Variants in CSMD1 observed in about 807,000 individuals in gnomAD.
CSMD1 encodes the protein CUB and sushi domain-containing protein 1.
A neutral mutation model predicts 417.5 loss-of-function variants in CSMD1; 213 were observed. The observed-to-expected ratio is 0.51, with a 90% CI of 0.46 to 0.57. The LOEUF is 0.57. Among genes scored for constraint, CSMD1 ranks in the 20% least tolerant of loss-of-function variants. The probability of loss-of-function intolerance (pLI) is 0.00; values close to 1 mark genes in which losing one functional copy is unlikely to be tolerated. For missense variants in CSMD1, 6,923 were observed against 4,529.7 expected, an observed-to-expected ratio of 1.53 and a Z score of -15.17; for synonymous variants, 2,862 against 1,736.8, an observed-to-expected ratio of 1.65 and a Z score of -16.11.
At chr8:3,262,184 A>AAAATATATAC (rs1420684024) in intron 26 of CSMD1, among the ~76,000 whole-genome samples, 1 of 63,172 alleles carries the variant, frequency 1.6e-5, no homozygotes, top group African/African-American at 7.1e-5. Flanking sequence ...TGCTCATATG[A>AAAATATATAC]ATATATATAT....
At chr8:4,426,859 G>A (rs1354247566) in intron 2 of CSMD1, among the ~76,000 whole-genome samples, 1 of 151,296 alleles carries the variant, frequency 6.6e-6, no homozygotes, top group Non-Finnish European at 1.5e-5. Context: ...TATTATAGCA[G>A]AATTCAAAAG....
chr8:4,684,874 T>G (rs768505061), intron 1 of CSMD1, among the ~76,000 whole-genome samples: 1 of 152,216 alleles, frequency 6.6e-6, no homozygotes, highest in Non-Finnish European at 1.5e-5. Flanking sequence ...TCTTTCTTCT[T>G]CTACTAATCA....
intron 11 of CSMD1, among the ~76,000 whole-genome samples, chr8:3,485,538 C>CACACACACACACAGAG (rs376214281): frequency 7.3e-4 from 98 of 135,018 alleles, no homozygotes; most frequent in African/African-American, 9.4e-4. Context: ...CACACACACA[C>CACACACACACACAGAG]AGAGAGAGAG....
intron 1 of CSMD1, among the ~76,000 whole-genome samples, chr8:4,740,811 C>A (rs1311404038): frequency 6.6e-6 from 1 of 152,132 alleles, no homozygotes; most frequent in African/African-American, 2.4e-5. Context: ...TATAGGATAT[C>A]CTACTGAAGT....
chr8:4,647,235 AT>A (rs34641878), intron 1 of CSMD1, among the ~76,000 whole-genome samples: 32,739 of 139,796 alleles, frequency 0.23, 3,837 homozygotes, highest in South Asian at 0.34. Flanking sequence ...TGCTGTTTCT[AT>A]TTTTTTTTTT....
chr8:4,152,540 A>AAG (rs1314877489), intron 3 of CSMD1, among the ~76,000 whole-genome samples: 2 of 148,212 alleles, frequency 1.3e-5, no homozygotes, highest in Admixed American at 6.7e-5. Context: ...AAAAAAAAAA[A>AAG]TTAGCTAGTC....
At chr8:3,276,087 T>C (rs1055245189) in intron 26 of CSMD1, among the ~76,000 whole-genome samples, 3 of 152,190 alleles carry the variant, frequency 2.0e-5, no homozygotes, top group Admixed American at 2.0e-4. Context: ...TTGATGCTGT[T>C]GATGTACAGA....
At chr8:3,311,713 G>C (rs1275524247) in intron 23 of CSMD1, among the ~76,000 whole-genome samples, 4 of 152,136 alleles carry the variant, frequency 2.6e-5, no homozygotes, top group African/African-American at 9.7e-5. Flanking sequence ...AATTGTAAGT[G>C]AACCATCATA....
At chr8:4,186,509 AC>A (rs1353375562) in intron 3 of CSMD1, among the ~76,000 whole-genome samples, 1 of 152,196 alleles carries the variant, frequency 6.6e-6, no homozygotes, top group Non-Finnish European at 1.5e-5. Flanking sequence ...GAATTTAATT[AC>A]TTATTTTGAA....
chr8:4,487,969 T>C (rs534732846), intron 2 of CSMD1, among the ~76,000 whole-genome samples: 48 of 152,296 alleles, frequency 3.2e-4, no homozygotes, highest in Non-Finnish European at 6.3e-4. Flanking sequence ...CCGAAATGTA[T>C]ATGTGAAAAT....
At chr8:4,182,464 T>C (rs185384995) in intron 3 of CSMD1, among the ~76,000 whole-genome samples, 19 of 152,260 alleles carry the variant, frequency 1.2e-4, no homozygotes, top group South Asian at 6.2e-4. Context: ...GATTAAAACA[T>C]TGTTTTAATA....
chr8:4,280,479 T>C (rs1244033814), intron 3 of CSMD1, among the ~76,000 whole-genome samples: 2 of 152,210 alleles, frequency 1.3e-5, no homozygotes, highest in East Asian at 3.8e-4. Context: ...TGTTTCAGTA[T>C]ATCCTCCACA....
At chr8:4,306,830 A>C (rs1433140337) in intron 3 of CSMD1, among the ~76,000 whole-genome samples, 2 of 64,530 alleles carry the variant, frequency 3.1e-5, no homozygotes, top group Non-Finnish European at 6.2e-5. Context: ...TAACATCTCC[A>C]GATTTAAAAA....
chr8:4,834,018 A>G (rs1800309546), intron 1 of CSMD1, among the ~76,000 whole-genome samples: 1 of 152,276 alleles, frequency 6.6e-6, no homozygotes, highest in African/African-American at 2.4e-5. Context: ...TAGACCCGGG[A>G]TGCAATATCG....
At chr8:3,386,266 G>A (rs917176157) in intron 18 of CSMD1, among the ~76,000 whole-genome samples, 1 of 152,222 alleles carries the variant, frequency 6.6e-6, no homozygotes, top group Non-Finnish European at 1.5e-5. Flanking sequence ...CCCCTGCGTT[G>A]CTTGGCCAGT....
intron 5 of CSMD1, among the ~76,000 whole-genome samples, chr8:3,891,300 T>C (rs1806953979): frequency 6.6e-6 from 1 of 152,136 alleles, no homozygotes; most frequent in South Asian, 2.1e-4. Flanking sequence ...TCTACCTGCC[T>C]CAACCTCCCA....
At chr8:4,596,605 A>G (rs1295288704) in intron 2 of CSMD1, among the ~76,000 whole-genome samples, 1 of 152,226 alleles carries the variant, frequency 6.6e-6, no homozygotes, top group Non-Finnish European at 1.5e-5. Context: ...TTCTTCCTAA[A>G]TCAATGCAAC....
At chr8:4,309,483 A>C (rs1222282712) in intron 3 of CSMD1, among the ~76,000 whole-genome samples, 1 of 152,054 alleles carries the variant, frequency 6.6e-6, no homozygotes, top group African/African-American at 2.4e-5. Context: ...TATTAAATGC[A>C]TTTTCTCTCA....
At chr8:4,142,128 C>T (rs1345034141) in intron 3 of CSMD1, among the ~76,000 whole-genome samples, 1 of 150,926 alleles carries the variant, frequency 6.6e-6, no homozygotes, top group Non-Finnish European at 1.5e-5. Context: ...AGCAGATATC[C>T]ACATATGTAA....
Sources: allele counts gnomAD v4.1 joint callset (sites outside exome capture counted in the v4.1 genomes callset), GRCh38; gene constraint gnomAD v4.1.1; transcripts MANE v1.5; gene names NCBI Gene and HGNC (gene_info 2026-07-23, HGNC 2026-07-21).